The following HDAC4 variants were observed in gnomAD, a reference collection of about 807,000 sequenced individuals.
HDAC4 encodes the protein histone deacetylase 4, also known as histone deacetylase A.
HDAC4 carries 16 observed loss-of-function variants against 135.1 expected under a neutral mutation model. That is an observed-to-expected ratio of 0.12 (90% CI 0.08 to 0.18). The LOEUF is 0.18. HDAC4 is among the 10% of genes least tolerant of loss of function. The pLI, the probability that HDAC4 is intolerant of heterozygous loss-of-function variation, is 1.00. For synonymous variants in HDAC4, 685 were observed against 653.4 expected (o/e 1.05, Z -0.74); for missense variants, 1,143 against 1,511.8 (o/e 0.76, Z 4.05).
chr2:239,081,466 T>A (rs900234562), intron 21 of HDAC4, among the ~76,000 whole-genome samples: 1 of 152,226 alleles, frequency 6.6e-6, no homozygotes, highest in Non-Finnish European at 1.5e-5. Flanking sequence ...TGCACTGACA[T>A]TTCTGCGGAC....
intron 3 of HDAC4, among the ~76,000 whole-genome samples, chr2:239,219,908 C>T (rs2046855429): frequency 6.6e-6 from 1 of 152,206 alleles, no homozygotes; most frequent in African/African-American, 2.4e-5. Flanking sequence ...ACATGGTCAG[C>T]ACTAGATATG....
At chr2:239,216,809 G>A (rs1395830887) in intron 3 of HDAC4, among the ~76,000 whole-genome samples, 3 of 152,088 alleles carry the variant, frequency 2.0e-5, no homozygotes, top group Admixed American at 6.5e-5. Context: ...GTGAGAAGGG[G>A]GTGCACAGGG....
intron 3 of HDAC4, among the ~76,000 whole-genome samples, chr2:239,209,532 G>A (rs572085381): frequency 6.6e-6 from 1 of 152,144 alleles, no homozygotes; most frequent in Non-Finnish European, 1.5e-5. Flanking sequence ...GATTCCATGT[G>A]GATTAAGACT....
intron 3 of HDAC4, 100 bp downstream of exon 3, chr2:239,236,493 C>A: frequency 2.1e-6 from 2 of 932,760 alleles, no homozygotes; most frequent in South Asian, 1.4e-5. Context: ...CACACCTCCC[C>A]CCTCGCCCTC....
chr2:239,083,704 G>C (rs2035581282), intron 20 of HDAC4, among the ~76,000 whole-genome samples: 1 of 152,142 alleles, frequency 6.6e-6, no homozygotes, highest in African/African-American at 2.4e-5. Context: ...GGGGGCAGTG[G>C]CACCCCCCAT....
chr2:239,065,676 G>T (rs1379971094), intron 24 of HDAC4, among the ~76,000 whole-genome samples: 1 of 152,192 alleles, frequency 6.6e-6, no homozygotes, highest in Non-Finnish European at 1.5e-5. Flanking sequence ...CTGCCCCCTG[G>T]CAAGGCCTCT....
rs73104765 is a variant in HDAC4, at chr2:239,352,396, C to T, written c.22+282G>A. On this transcript the variant is annotated intron_variant, in intron 2 of 26. Transcript: ENST00000543185. This position sits in a 1 kb window ranked among gnomAD's most constrained non-coding sequence, Gnocchi z 4.4. ...CACAACCTGACCTTTCAACATCACCCTTGTCAAAAAGCATCGAGGAAACCT... is the reference window on the plus strand; with the variant it reads ...CACAACCTGACCTTTCAACATCACCTTTGTCAAAAAGCATCGAGGAAACCT... 4.7e-3 allele frequency among the ~76,000 whole-genome samples: 712 copies of T among 152,272 alleles called. 4 individuals carry two copies. The highest frequency in any genetic ancestry group is 0.016 in the African/African-American group (685 of 41,544).
chr2:239,219,169 C>T (rs709272), intron 3 of HDAC4, among the ~76,000 whole-genome samples: 75,607 of 144,870 alleles, frequency 0.52, 20,697 homozygotes, highest in South Asian at 0.7. Flanking sequence ...CACATGCACA[C>T]GTATGTTTAT....
intron 1 of HDAC4, among the ~76,000 whole-genome samples, chr2:239,374,443 G>C (rs1011172384): frequency 8.2e-6 from 1 of 122,400 alleles, no homozygotes; most frequent in Non-Finnish European, 1.6e-5. Context: ...TCGCTCTGTC[G>C]CCCAGGCTGG....
At chr2:239,264,796 G>T (rs957436169) in intron 2 of HDAC4, among the ~76,000 whole-genome samples, 1 of 152,230 alleles carries the variant, frequency 6.6e-6, no homozygotes, top group African/African-American at 2.4e-5. Flanking sequence ...ACTGTGCAGG[G>T]GGGACACCTG....
chr2:239,336,153 G>A (rs546430608), intron 2 of HDAC4, among the ~76,000 whole-genome samples: 7 of 152,256 alleles, frequency 4.6e-5, no homozygotes, highest in African/African-American at 9.6e-5. Context: ...TTTATATGAC[G>A]TTCAAAACCA....
chr2:239,320,628 T>C (rs1179245108), intron 2 of HDAC4, among the ~76,000 whole-genome samples: 1 of 152,206 alleles, frequency 6.6e-6, no homozygotes, highest in African/African-American at 2.4e-5. Context: ...TCCATGATTC[T>C]AGTGGGTTTC....
intron 2 of HDAC4, among the ~76,000 whole-genome samples, chr2:239,278,985 TAAA>T (rs1559319099): frequency 6.6e-6 from 1 of 151,936 alleles, no homozygotes. Flanking sequence ...AACAAACAAA[TAAA>T]AAGACTATGC....
chr2:239,348,318 T>C (rs1376762164), intron 2 of HDAC4, among the ~76,000 whole-genome samples: 2 of 146,480 alleles, frequency 1.4e-5, no homozygotes, highest in Non-Finnish European at 2.9e-5. Context: ...ACTGCGGGGC[T>C]CCTTGACACT....
At chr2:239,282,428 A>ACAATGTACACAGCACTCT (rs2050837978) in intron 2 of HDAC4, among the ~76,000 whole-genome samples, 1 of 147,776 alleles carries the variant, frequency 6.8e-6, no homozygotes, top group Admixed American at 6.7e-5. Flanking sequence ...ACACCACTCT[A>ACAATGTACACAGCACTCT]CAATGTACAC....
chr2:239,231,258 T>C (rs543764085), intron 3 of HDAC4, among the ~76,000 whole-genome samples: 1 of 152,326 alleles, frequency 6.6e-6, no homozygotes, highest in East Asian at 1.9e-4. Context: ...AACGTGCTTC[T>C]CTTTAGTCCA....
intron 1 of HDAC4, among the ~76,000 whole-genome samples, chr2:239,398,417 T>C (rs998834523): frequency 3.7e-4 from 57 of 152,332 alleles, no homozygotes; most frequent in African/African-American, 1.3e-3. Flanking sequence ...AGCTGGAGAA[T>C]GGAAGTCGAT....
rs552221927 is a variant in HDAC4, at chr2:239,053,665, G to A, written c.3089-64C>T. 3.7e-5 allele frequency: 55 copies of A among 1,471,502 alleles called. No individual in the cohort carries two copies. The South Asian group carries it at 3.9e-4, about 10-fold the overall frequency. The allele number at this position is 1,471,502 out of a possible 1,614,324, so 91.2% of individuals were successfully genotyped here. On this transcript the variant is annotated intron_variant, in intron 25 of 26. Transcript: ENST00000543185. Reference sequence around the variant, plus strand: ...AACTTAGCAGGATGCACTGAGGCCCGGGAAGGTCCTGCGGGACCCTGAGCC... The same window carrying A: ...AACTTAGCAGGATGCACTGAGGCCCAGGAAGGTCCTGCGGGACCCTGAGCC...
intron 1 of HDAC4, among the ~76,000 whole-genome samples, chr2:239,363,323 C>T (rs1693975384): frequency 6.6e-6 from 1 of 152,182 alleles, no homozygotes; most frequent in Non-Finnish European, 1.5e-5. Flanking sequence ...GCACAAAGAA[C>T]CTGAAATAGC....
Sources: gnomAD v4.1 joint callset for allele counts (sites outside exome capture counted in the v4.1 genomes callset) on GRCh38, gnomAD v4.1.1 for gene constraint, Gnocchi (gnomAD v3.1) non-coding constraint, MANE v1.5 for transcripts, NCBI Gene and HGNC (gene_info 2026-07-23, HGNC 2026-07-21) for gene names.